BCL11A: variants seen among roughly 807,000 people sequenced by gnomAD.
BCL11A encodes B cell CLL/lymphoma 11A.
Under a neutral mutation model 55.9 loss-of-function variants are expected in BCL11A, and 2 were observed. That is an observed-to-expected ratio of 0.04 (90% CI 0.01 to 0.11). The LOEUF (loss-of-function observed/expected upper bound fraction) is 0.11, where lower values mean the gene tolerates loss of function less well. BCL11A is among the 10% of genes least tolerant of loss of function. BCL11A has a pLI of 1.00. For missense variants in BCL11A, 817 were observed against 1,137.1 expected (o/e 0.72, Z 4.05); for synonymous variants, 465 against 473.4 (o/e 0.98, Z 0.23).
rs1452787396 is a variant in BCL11A at position 60,553,535 on chromosome 2, TAGAGGG to T, written c.-271_-266del. On this transcript the variant is annotated 5_prime_UTR_variant, in exon 1 of 4. Transcript: ENST00000642384. Reference sequence around the variant, plus strand: ...AAGAGGGAGAGAGAGAGAAGAGAGATAGAGGGAGAGAGAGAGAGAGAGATGAAAAAA... The same window carrying T: ...AAGAGGGAGAGAGAGAGAAGAGAGATAGAGAGAGAGAGAGAGATGAAAAAA... 9.3e-6 allele frequency: 2 copies of T among 214,282 alleles called. No homozygotes were observed. The highest frequency in any genetic ancestry group is 9.6e-5 in the African/African-American group (2 of 20,860). 13.3% of individuals were successfully genotyped at this position (214,282 alleles called of 1,614,324 possible). A position where few individuals can be genotyped will look rare whatever the true frequency, so the allele number is the denominator to read the frequency against.
chr2:60,492,556 T>C (rs547801061), intron 2 of BCL11A, among the ~76,000 whole-genome samples: 1 of 152,042 alleles, frequency 6.6e-6, no homozygotes, highest in Admixed American at 6.5e-5. Flanking sequence ...CCAGTACTCA[T>C]GCGCTTCTCA....
chr2:60,536,343 CCT>C (rs1002476441), intron 2 of BCL11A: 4 of 152,230 alleles, frequency 2.6e-5, no homozygotes, highest in South Asian at 2.1e-4. Context: ...GGTACTACCC[CCT>C]GATTTCTTAA....
At chr2:60,492,294 GA>G (rs1678683111) in intron 2 of BCL11A, among the ~76,000 whole-genome samples, 2 of 152,178 alleles carry the variant, frequency 1.3e-5, no homozygotes, top group Non-Finnish European at 2.9e-5. Context: ...TTGAGCCTAG[GA>G]GATCAAGGCT....
chr2:60,543,100 C>T (rs928197348), intron 2 of BCL11A: 2 of 149,228 alleles, frequency 1.3e-5, no homozygotes, highest in African/African-American at 4.9e-5. Flanking sequence ...TACCATTTTA[C>T]TCAAGATTTA....
In BCL11A at chr2:60,460,361, A is replaced by G. The variant is rs760723370; in HGVS notation, c.*43T>C. On this transcript the variant is annotated 3_prime_UTR_variant, in exon 4 of 4. Transcript: ENST00000642384. ...CGATGGGGAAGGGGAGTGGTGAAAAAGGGGGTGTCAGGTGGGAGTGAGGGA... is the reference window on the plus strand; with the variant it reads ...CGATGGGGAAGGGGAGTGGTGAAAAGGGGGGTGTCAGGTGGGAGTGAGGGA... 5.4e-5 allele frequency: 83 copies of G among 1,545,732 alleles called. 1 individual carries two copies. The South Asian group carries it at 8.5e-4, about 16-fold the overall frequency.
chr2:60,505,511 C>CGGAA (rs747369233), intron 2 of BCL11A, among the ~76,000 whole-genome samples: 1 of 152,238 alleles, frequency 6.6e-6, no homozygotes, highest in Non-Finnish European at 1.5e-5. Context: ...CTTTCCTGTC[C>CGGAA]TTCCCTTAGG....
rs758654849 is a variant in BCL11A at position 60,461,912 on chromosome 2, C to G, written c.1000G>C (p.Gly334Arg). 1 of 1,614,156 alleles carries G rather than the reference C, an allele frequency of 6.2e-7. No homozygotes were observed. Among genetic ancestry groups the G allele is most frequent in the South Asian group, 1.1e-5 (1 of 91,088 alleles). ...GNTSSPPLSPGRPSPMQRLLQ... is the reference protein window; with the variant it reads ...GNTSSPPLSPRRPSPMQRLLQ... ...AACCTTTGCATAGGGCTGGGCCGGCCTGGGGACAGCGGTGGGCTAGACGTG... is the reference window on the plus strand; with the variant it reads ...AACCTTTGCATAGGGCTGGGCCGGCGTGGGGACAGCGGTGGGCTAGACGTG... The change falls in exon 4 of 4, where the codon GGC becomes CGC. Residue 334 changes from glycine to arginine, a missense_variant. Gly to Arg is a moderately radical substitution (Grantham distance 125). Coordinates refer to ENST00000642384, the MANE Select transcript of BCL11A (RefSeq NM_022893.4).
intron 2 of BCL11A, chr2:60,527,586 T>C (rs969865270): frequency 1.3e-5 from 2 of 152,308 alleles, no homozygotes; most frequent in Non-Finnish European, 2.9e-5. Flanking sequence ...GAAGACAACC[T>C]GGATGTGACC....
At position 60,461,139 on chromosome 2, in the gene BCL11A, G is replaced by T. The variant is rs761681869; in HGVS notation, c.1773C>A (p.Ala591=). 4.3e-6 allele frequency: 7 copies of T among 1,611,420 alleles called. No homozygotes were observed. Among genetic ancestry groups the T allele is most frequent in the Admixed American group, 1.7e-5 (1 of 59,826 alleles). Residue 591 remains alanine (A), a synonymous_variant, in exon 4 of 4, where the codon GCC becomes GCA. Transcript: ENST00000642384. ...HRDTCDEDSV[A]GESDRIDDGT... ...CATCGTCTATGCGGTCCGACTCGCC[G>T]GCCACCGAGTCTTCGTCGCAAGTGT...
At chr2:60,519,426 T>C (rs1668873453) in intron 2 of BCL11A, among the ~76,000 whole-genome samples, 1 of 152,222 alleles carries the variant, frequency 6.6e-6, no homozygotes, top group Admixed American at 6.5e-5. Context: ...TTGGAACGCT[T>C]ACTTTATGCA....
Position 60,467,645 on chromosome 2 carries a change from GTGGTGATGA to G in BCL11A, c.487+1078_487+1086del, listed in dbSNP as rs1443020840. Among the ~76,000 whole-genome samples the G allele has an allele frequency of 4.1e-5, 4 of 96,818 alleles. 1 individual carries two copies. Among genetic ancestry groups the G allele is most frequent in the Non-Finnish European group, 2.2e-5 (1 of 45,864 alleles). 63.5% of individuals were successfully genotyped at this position (96,818 alleles called of 152,430 possible). On this transcript the variant is annotated intron_variant, in intron 3 of 3. Coordinates refer to ENST00000642384, the MANE Select transcript of BCL11A (RefSeq NM_022893.4). ...GGTGGTAATGGTGGTGGTGGTGATGGTGGTGATGATGGTGATGGTACTGGTGGTGATGGT... is the reference window on the plus strand; with the variant it reads ...GGTGGTAATGGTGGTGGTGGTGATGGTGGTGATGGTACTGGTGGTGATGGT...
chr2:60,452,922 T>C (rs920884212), downstream of BCL11A: 6 of 420,898 alleles, frequency 1.4e-5, no homozygotes, highest in South Asian at 2.7e-5. Context: ...CCCTGCCCAA[T>C]TGTATGATAG....
intron 2 of BCL11A, among the ~76,000 whole-genome samples, chr2:60,518,928 A>C (rs1668852902): frequency 6.6e-6 from 1 of 152,210 alleles, no homozygotes; most frequent in Non-Finnish European, 1.5e-5. Context: ...TCTGTCATTC[A>C]AGGTGGGTCC....
intron 2 of BCL11A, chr2:60,534,941 C>T (rs1374593326): frequency 6.6e-6 from 1 of 152,194 alleles, no homozygotes; most frequent in East Asian, 1.9e-4. Context: ...TTTTTTACAT[C>T]ATCAATTTTG....
chr2:60,480,259 T>C (rs1677877981), intron 2 of BCL11A, among the ~76,000 whole-genome samples: 1 of 152,218 alleles, frequency 6.6e-6, no homozygotes, highest in African/African-American at 2.4e-5. Context: ...TCCACTCCAT[T>C]TCTCCTGGAT....
intron 3 of BCL11A, 80 bp downstream of exon 3, chr2:60,468,652 C>T: frequency 9.4e-7 from 1 of 1,061,496 alleles, no homozygotes; most frequent in Middle Eastern, 2.4e-4. Flanking sequence ...TCCTTCAGTA[C>T]TTAAAAAGTA....
At chr2:60,517,602 G>C (rs567021594) in intron 2 of BCL11A, among the ~76,000 whole-genome samples, 1 of 152,242 alleles carries the variant, frequency 6.6e-6, no homozygotes, top group East Asian at 1.9e-4. Flanking sequence ...AAGTTCCTCT[G>C]CAAAGCACAT....
intron 2 of BCL11A, among the ~76,000 whole-genome samples, chr2:60,481,266 T>C (rs1677940060): frequency 6.6e-6 from 1 of 152,084 alleles, no homozygotes; most frequent in African/African-American, 2.4e-5. Flanking sequence ...CACCCATCTC[T>C]GCTTGGGACA....
At chr2:60,471,498 G>C (rs573699919) in intron 2 of BCL11A, among the ~76,000 whole-genome samples, 70 of 152,280 alleles carry the variant, frequency 4.6e-4, no homozygotes, top group Non-Finnish European at 9.1e-4. Context: ...GCCTCCCTAG[G>C]GCTTAACTTC....
Sources: gnomAD v4.1 joint callset for allele counts (sites outside exome capture counted in the v4.1 genomes callset) on GRCh38, gnomAD v4.1.1 for gene constraint, MANE v1.5 for transcripts, NCBI Gene and HGNC (gene_info 2026-07-23, HGNC 2026-07-21) for gene names.